Variants in SVIL observed in about 807,000 individuals in gnomAD.
SVIL encodes archvillin.
In SVIL, 101 loss-of-function variants were observed where a neutral mutation model predicts 240.4. That is an observed-to-expected ratio of 0.42 (90% CI 0.36 to 0.50). SVIL has a LOEUF of 0.50. Ranked by LOEUF, SVIL falls within the 20% of genes least tolerant of loss-of-function variation. The pLI is 0.01. For missense variants in SVIL, 2,512 were observed against 2,818.7 expected, an observed-to-expected ratio of 0.89 and a Z score of 2.46; for synonymous variants, 999 against 1,100.0, an observed-to-expected ratio of 0.91 and a Z score of 1.82.
rs1011019608 is a variant in SVIL, at chr10:29,481,853, T to C, written c.4956-125A>G. Reference sequence around the variant, plus strand: ...AAACCTCAAAGTACGTGAGTACATATAAAGTAAATGGTTTATTTTCCTGCA... The same window carrying C: ...AAACCTCAAAGTACGTGAGTACATACAAAGTAAATGGTTTATTTTCCTGCA... On this transcript the variant is annotated intron_variant, in intron 27 of 37. Coordinates refer to ENST00000355867, the MANE Select transcript of SVIL (RefSeq NM_021738.3). The C allele has an allele frequency of 1.5e-5, 13 of 842,542 alleles. No individual in the cohort carries two copies. In the Middle Eastern group the frequency reaches 1.1e-3, roughly 71 times the overall value. The allele number at this position is 842,542 out of a possible 1,614,324, so 52.2% of individuals were successfully genotyped here. A position where few individuals can be genotyped will look rare whatever the true frequency, so the allele number is the denominator to read the frequency against.
chr10:29,644,587 C>T (rs569894791), intron 3 of SVIL, among the ~76,000 whole-genome samples: 1 of 152,304 alleles, frequency 6.6e-6, no homozygotes, highest in East Asian at 1.9e-4. Context: ...AACGGAACCA[C>T]TTGAACCCAG....
chr10:29,459,369 C>CCTGT (rs1383937562), intron 36 of SVIL, among the ~76,000 whole-genome samples: 3 of 152,170 alleles, frequency 2.0e-5, no homozygotes, highest in Admixed American at 6.5e-5. Flanking sequence ...TTAAACAAAC[C>CCTGT]CTGTCTCAGA....
chr10:29,661,723 C>T (rs1056266035), intron 2 of SVIL, among the ~76,000 whole-genome samples: 3 of 152,186 alleles, frequency 2.0e-5, no homozygotes, highest in Non-Finnish European at 2.9e-5. Flanking sequence ...ATGTTTCAAG[C>T]CTGTGCTTTG....
At chr10:29,549,854 A>G (rs1187144650) in intron 6 of SVIL, among the ~76,000 whole-genome samples, 1 of 113,112 alleles carries the variant, frequency 8.8e-6, no homozygotes, top group African/African-American at 3.5e-5. Flanking sequence ...GGGGAACATC[A>G]CACTCTGGGG....
At chr10:29,496,987 G>T (rs1948495101) in intron 18 of SVIL, among the ~76,000 whole-genome samples, 4 of 152,184 alleles carry the variant, frequency 2.6e-5, no homozygotes, top group Admixed American at 2.0e-4. Flanking sequence ...AAGGGTTGGG[G>T]CTCACGTTAA....
At chr10:29,665,644 A>G (rs933115883) in intron 2 of SVIL, among the ~76,000 whole-genome samples, 1 of 151,944 alleles carries the variant, frequency 6.6e-6, no homozygotes, top group African/African-American at 2.4e-5. Flanking sequence ...AAATACAAAA[A>G]TTAGCCAGGC....
chr10:29,612,838 T>C (rs1187644831), intron 1 of SVIL, among the ~76,000 whole-genome samples: 2 of 152,106 alleles, frequency 1.3e-5, no homozygotes, highest in East Asian at 3.9e-4. Context: ...TGCTGGTGGG[T>C]TCACTCAAGC....
At chr10:29,489,759 G>A (rs1476316254) in intron 22 of SVIL, among the ~76,000 whole-genome samples, 1 of 151,966 alleles carries the variant, frequency 6.6e-6, no homozygotes, top group Non-Finnish European at 1.5e-5. Flanking sequence ...TGTTTCCCAG[G>A]CTGGTCTCAG....
chr10:29,718,858 C>T (rs537722676), intron 1 of SVIL, among the ~76,000 whole-genome samples: 88 of 152,128 alleles, frequency 5.8e-4, no homozygotes, highest in Non-Finnish European at 1.2e-3. Context: ...GCTTGTAATC[C>T]CAGCACTTTG....
intron 1 of SVIL, among the ~76,000 whole-genome samples, chr10:29,699,360 A>AGTG (rs75071050): frequency 0.5 from 75,097 of 151,304 alleles, 18,967 homozygotes; most frequent in East Asian, 0.77. Flanking sequence ...GCTGAAATGC[A>AGTG]GTGCAATCTT....
chr10:29,603,363 A>G (rs1451658703), intron 1 of SVIL, among the ~76,000 whole-genome samples: 1 of 152,222 alleles, frequency 6.6e-6, no homozygotes, highest in Non-Finnish European at 1.5e-5. Flanking sequence ...TAAAAATAGG[A>G]ATCTCTGTAT....
At chr10:29,524,831 C>T (rs1950791846) in intron 13 of SVIL, 116 bp from the exon 14 acceptor site, 4 of 1,507,576 alleles carry the variant, frequency 2.7e-6, no homozygotes, top group Non-Finnish European at 2.7e-6. Flanking sequence ...TTCTTTTTCC[C>T]TAAGCACGTC....
rs1186442184 is a variant in SVIL, at chr10:29,467,771, T to C, written c.5948A>G (p.Asp1983Gly). 1.2e-6 allele frequency: 2 copies of C among 1,614,068 alleles called. No homozygotes were observed. The highest frequency in any genetic ancestry group is 1.7e-6 in the Non-Finnish European group (2 of 1,180,032). The change falls in exon 33 of 38, where the codon GAC becomes GGC. Residue 1983 changes from aspartate to glycine, a missense_variant. By Grantham distance (94) the Asp-to-Gly change is moderately conservative. This residue lies in a region of SVIL where 797 missense variants were observed against 925.3 expected (regional missense o/e 0.86). Transcript: ENST00000355867. ...AAGCATGCAATCGTAGGCTTTCCTG[T>C]CTCTCCTTCCTAAGGCATCCCAGAA... ...LGFWDALGRR[D>G]RKAYDCMLQD...
intron 5 of SVIL, among the ~76,000 whole-genome samples, chr10:29,553,083 G>A (rs908583673): frequency 6.0e-5 from 9 of 148,834 alleles, no homozygotes; most frequent in Admixed American, 2.7e-4. Flanking sequence ...CTCCCAAAGT[G>A]CTGGAATTAC....
Position 29,643,845 on chromosome 10 carries a change from G to C in SVIL, c.-201+14124C>G, listed in dbSNP as rs189656139. On this transcript the variant is annotated intron_variant, in intron 3 of 35. Transcript: ENST00000375400. ...CCCGGGCTGTAGCTTCAGAGCAATG[G>C]GTGTGTAGCAGAGCTCAACACAAAG... 719 of 357,882 alleles carry C rather than the reference G, an allele frequency of 2.0e-3. 10 individuals are homozygous for C. Among genetic ancestry groups the C allele is most frequent in the South Asian group, 0.011 (559 of 50,076 alleles). The allele number at this position is 357,882 out of a possible 1,614,324, so 22.2% of individuals were successfully genotyped here.
chr10:29,713,972 T>G (rs1270984520), intron 1 of SVIL, among the ~76,000 whole-genome samples: 1 of 152,226 alleles, frequency 6.6e-6, no homozygotes. Context: ...CCAATTTCCA[T>G]GGATATACTG....
chr10:29,720,614 C>T (rs1308089760), intron 1 of SVIL, among the ~76,000 whole-genome samples: 2 of 152,086 alleles, frequency 1.3e-5, no homozygotes, highest in African/African-American at 4.8e-5. Context: ...ATAGTTACTA[C>T]CTGGGTAAAT....
rs187332318 is a variant in SVIL at position 29,615,011 on chromosome 10, G to A, written c.-201+19409C>T. On this transcript the variant is annotated intron_variant, in intron 1 of 37. Coordinates refer to ENST00000355867, the MANE Select transcript of SVIL (RefSeq NM_021738.3). ...TTCCCATTTTACAGATGAGGAAATTGAGGCAGAAGTTAAGTTATCCCCCCA... is the reference window on the plus strand; with the variant it reads ...TTCCCATTTTACAGATGAGGAAATTAAGGCAGAAGTTAAGTTATCCCCCCA... Among the ~76,000 whole-genome samples, 429 of 152,152 alleles carry A rather than the reference G, an allele frequency of 2.8e-3. 3 individuals carry two copies. The highest frequency in any genetic ancestry group is 1.2e-3 in the Non-Finnish European group (80 of 67,998).
intron 2 of SVIL, among the ~76,000 whole-genome samples, chr10:29,662,813 C>T (rs1403780652): frequency 3.9e-5 from 6 of 152,010 alleles, no homozygotes; most frequent in Non-Finnish European, 7.4e-5. Context: ...AACACTTGGA[C>T]GAAGGACAAA....
Sources: allele counts gnomAD v4.1 joint callset (sites outside exome capture counted in the v4.1 genomes callset), GRCh38; gene constraint gnomAD v4.1.1; regional missense constraint gnomAD v4.1.1; transcripts MANE v1.5; gene names NCBI Gene and HGNC (gene_info 2026-07-23, HGNC 2026-07-21).